The following BANK1 variants were observed in gnomAD, a reference collection of about 807,000 sequenced individuals.
The protein encoded by BANK1 is B-cell scaffold protein with ankyrin repeats.
In BANK1, 95 loss-of-function variants were observed where a neutral mutation model predicts 94.5. The ratio of observed to expected loss-of-function variants is 1.00; its 90% CI spans 0.85 to 1.19. The LOEUF is 1.19. Ranked by LOEUF, BANK1 falls within the 50% of genes most tolerant of loss-of-function variation. The probability of loss-of-function intolerance (pLI) is 0.00; values close to 1 mark genes in which losing one functional copy is unlikely to be tolerated. For synonymous variants in BANK1, 334 were observed against 308.4 expected, an observed-to-expected ratio of 1.08 and a Z score of -0.87; for missense variants, 987 against 932.2, an observed-to-expected ratio of 1.06 and a Z score of -0.77.
chr4:101,891,949 G>C (rs920994217), intron 5 of BANK1, among the ~76,000 whole-genome samples: 2 of 151,558 alleles, frequency 1.3e-5, no homozygotes, highest in African/African-American at 4.8e-5. Context: ...TTTTTTACCA[G>C]AGCTGTTTTC....
chr4:102,006,609 T>C lies in BANK1; in HGVS notation c.1207-14905T>C, dbSNP rs182020838. 5.3e-5 allele frequency among the ~76,000 whole-genome samples: 8 copies of C among 151,558 alleles called. No individual in the cohort carries two copies. In the East Asian group the frequency reaches 1.4e-3, roughly 26 times the overall value. ...CTTACATGTTTTCTTATTTGGGGGG[T>C]TTTAAGACACAAGGCATGGATGTTA... is the stretch of plus-strand genomic sequence containing the variant. On this transcript the variant is annotated intron_variant, in intron 7 of 16. Transcript: ENST00000322953.
intron 6 of BANK1, among the ~76,000 whole-genome samples, chr4:101,903,480 C>T (rs1216092708): frequency 6.6e-6 from 1 of 152,164 alleles, no homozygotes; most frequent in African/African-American, 2.4e-5. Context: ...AAAAGCCAGT[C>T]TACTACGTCA....
intron 7 of BANK1, among the ~76,000 whole-genome samples, chr4:101,983,019 T>G (rs376614091): frequency 6.6e-6 from 1 of 152,036 alleles, no homozygotes; most frequent in Non-Finnish European, 1.5e-5. Context: ...TATTTTACTT[T>G]ATTTTTATGC....
intron 7 of BANK1, among the ~76,000 whole-genome samples, chr4:101,988,508 T>C (rs185559045): frequency 8.5e-5 from 13 of 152,320 alleles, no homozygotes; most frequent in African/African-American, 2.9e-4. Context: ...GGACATAATG[T>C]GCCTCAACAA....
chr4:101,850,744 CT>C lies in BANK1; in HGVS notation c.470-4285del, dbSNP rs570884105. On this transcript the variant is annotated intron_variant, in intron 2 of 16. Coordinates refer to ENST00000322953, the MANE Select transcript of BANK1 (RefSeq NM_017935.5). Reference sequence around the variant, plus strand: ...TTGGTGATTCTTGCACTATTTCAAACTTTTTTCATTATCATTATGTCTGTTG... The same window carrying C: ...TTGGTGATTCTTGCACTATTTCAAACTTTTTCATTATCATTATGTCTGTTG... Among the ~76,000 whole-genome samples the C allele has an allele frequency of 3.3e-4, 50 of 152,264 alleles. 1 individual carries two copies. The South Asian group carries it at 7.7e-3, about 23-fold the overall frequency.
At chr4:102,029,845 G>C in intron 9 of BANK1, 115 bp from the exon 10 acceptor site, 1 of 914,770 alleles carries the variant, frequency 1.1e-6, no homozygotes, top group Non-Finnish European at 1.7e-6. Flanking sequence ...CTCTAATACT[G>C]TTTCCTACGG....
intron 3 of BANK1, among the ~76,000 whole-genome samples, chr4:101,858,864 G>T (rs1272559133): frequency 6.6e-6 from 1 of 152,104 alleles, no homozygotes; most frequent in East Asian, 1.9e-4. Context: ...TATATGACCT[G>T]TTCATTGACA....
intron 11 of BANK1, 26 bp from the exon 12 acceptor site, chr4:102,060,185 T>A (rs750777709): frequency 6.5e-7 from 1 of 1,535,398 alleles, no homozygotes; most frequent in Admixed American, 2.4e-5. Flanking sequence ...GACTTTCTGT[T>A]AATGCACCCT....
At chr4:101,945,800 T>C (rs1291849159) in intron 7 of BANK1, among the ~76,000 whole-genome samples, 1 of 151,912 alleles carries the variant, frequency 6.6e-6, no homozygotes, top group Non-Finnish European at 1.5e-5. Context: ...CCTATTGAAA[T>C]GTATTTCAGT....
chr4:101,831,076 C>T (rs1726598942), intron 2 of BANK1, among the ~76,000 whole-genome samples: 1 of 152,176 alleles, frequency 6.6e-6, no homozygotes, highest in Non-Finnish European at 1.5e-5. Context: ...TCTATGGCTC[C>T]TTCATGTGTC....
At chr4:102,034,466 C>A (rs1727432647) in intron 10 of BANK1, among the ~76,000 whole-genome samples, 2 of 151,974 alleles carry the variant, frequency 1.3e-5, no homozygotes, top group Admixed American at 1.3e-4. Context: ...TAGAAAATAC[C>A]CAGCACAATA....
chr4:102,039,842 A>G (rs1345081827), intron 10 of BANK1, among the ~76,000 whole-genome samples: 1 of 152,054 alleles, frequency 6.6e-6, no homozygotes, highest in Non-Finnish European at 1.5e-5. Context: ...CCAGAGCACA[A>G]TACGAATCTA....
At chr4:102,035,465 G>A (rs185645502) in intron 10 of BANK1, among the ~76,000 whole-genome samples, 1,592 of 152,020 alleles carry the variant, frequency 0.01, 15 homozygotes, top group Non-Finnish European at 0.016. Context: ...TGGCTAACAC[G>A]GTGAAACCCC....
At chr4:101,984,408 AACTT>A (rs1235869870) in intron 7 of BANK1, among the ~76,000 whole-genome samples, 2 of 152,076 alleles carry the variant, frequency 1.3e-5, no homozygotes, top group East Asian at 1.9e-4. Context: ...TAAGACCACT[AACTT>A]ACCAGGAAAA....
chr4:101,950,060 T>TGTGTGTGTGTGCGC (rs369393040), intron 7 of BANK1, among the ~76,000 whole-genome samples: 12 of 139,492 alleles, frequency 8.6e-5, no homozygotes, highest in South Asian at 8.5e-4. Context: ...TGTGTGTGTG[T>TGTGTGTGTGTGCGC]GCGCGTGCGC....
At chr4:101,891,727 C>T (rs1181865373) in intron 5 of BANK1, among the ~76,000 whole-genome samples, 1 of 151,966 alleles carries the variant, frequency 6.6e-6, no homozygotes, top group Non-Finnish European at 1.5e-5. Flanking sequence ...GTTCTGTCTT[C>T]AAGTTCATTG....
At chr4:101,936,484 G>A (rs979610518) in intron 7 of BANK1, among the ~76,000 whole-genome samples, 2 of 149,864 alleles carry the variant, frequency 1.3e-5, no homozygotes, top group Non-Finnish European at 1.5e-5. Context: ...ACACATACAT[G>A]TGTATACATA....
intron 11 of BANK1, among the ~76,000 whole-genome samples, chr4:102,050,177 A>G (rs906917129): frequency 5.3e-5 from 8 of 152,136 alleles, no homozygotes; most frequent in African/African-American, 1.9e-4. Context: ...ATACTACTCT[A>G]TCTAAAACTT....
At chr4:101,798,252 C>T (rs933801659) in intron 1 of BANK1, among the ~76,000 whole-genome samples, 15 of 152,014 alleles carry the variant, frequency 9.9e-5, no homozygotes, top group African/African-American at 3.4e-4. Context: ...ATGGAGACGC[C>T]CTTTAGAAAT....
Sources: gnomAD v4.1 joint callset for allele counts (sites outside exome capture counted in the v4.1 genomes callset) on GRCh38, gnomAD v4.1.1 for gene constraint, MANE v1.5 for transcripts, NCBI Gene and HGNC (gene_info 2026-07-23, HGNC 2026-07-21) for gene names.